Variants in TMEM8B observed in about 807,000 individuals in gnomAD.
TMEM8B encodes the protein nasopharyngeal carcinoma expressed 6.
In TMEM8B, 29 loss-of-function variants were observed where a neutral mutation model predicts 49.3. The observed-to-expected ratio is 0.59, with a 90% CI of 0.44 to 0.80. The LOEUF is 0.80. Ranked by LOEUF, TMEM8B falls within the 30% of genes least tolerant of loss-of-function variation. TMEM8B has a pLI of 0.00. For missense variants in TMEM8B, 575 were observed against 658.5 expected (o/e 0.87, Z 1.39); for synonymous variants, 264 against 272.8 (o/e 0.97, Z 0.32).
intron 1 of TMEM8B, chr9:35,833,183 A>T: frequency 2.9e-6 from 1 of 340,118 alleles, no homozygotes; most frequent in Non-Finnish European, 4.2e-6. Context: ...TTTTGGAGTT[A>T]ATCTCTCCCA....
At chr9:35,847,180 A>G in intron 10 of TMEM8B, 185 bp downstream of exon 10, 2 of 1,587,112 alleles carry the variant, frequency 1.3e-6, no homozygotes, top group Non-Finnish European at 1.7e-6. Flanking sequence ...TGTAAGACAC[A>G]TTGGAGTAAA....
rs989739150 is a variant in TMEM8B at position 35,840,549 on chromosome 9, T to C, written c.907-585T>C. Among the ~76,000 whole-genome samples, 6 of 152,052 alleles carry C rather than the reference T, an allele frequency of 3.9e-5. 1 individual carries two copies. The highest frequency in any genetic ancestry group is 1.4e-4 in the African/African-American group (6 of 41,382). ...TGGGAAGTAATGAGTGGCCCTGCAC[T>C]CATTACCTGTGTAGGGCCGCTCATT... On this transcript the variant is annotated intron_variant, in intron 3 of 12. Transcript: ENST00000643932.
chr9:35,840,939 A>G (rs1309009965), intron 3 of TMEM8B, among the ~76,000 whole-genome samples, 195 bp from the exon 4 acceptor site: 1 of 152,122 alleles, frequency 6.6e-6, no homozygotes. Flanking sequence ...TTGCAGACTG[A>G]GGTGGGACAG....
chr9:35,849,808 A>G (rs1263451173), intron 10 of TMEM8B, among the ~76,000 whole-genome samples: 1 of 152,236 alleles, frequency 6.6e-6, no homozygotes, highest in Non-Finnish European at 1.5e-5. Context: ...ACTAAGCCAA[A>G]TATAAGAAAC....
intron 3 of TMEM8B, among the ~76,000 whole-genome samples, chr9:35,836,963 G>A (rs1161331128): frequency 6.6e-6 from 1 of 152,180 alleles, no homozygotes; most frequent in Admixed American, 6.5e-5. Flanking sequence ...ATTAACTTCT[G>A]TAGTCTTATA....
rs1832701312 is a variant in TMEM8B, at chr9:35,864,411, G to C, written c.*10571G>C. 6.6e-6 allele frequency: 1 copy of C among 152,238 alleles called. No homozygotes were observed. The highest frequency in any genetic ancestry group is 1.5e-5 in the Non-Finnish European group (1 of 68,044). 9.4% of individuals were successfully genotyped at this position (152,238 alleles called of 1,614,324 possible). A position where few individuals can be genotyped will look rare whatever the true frequency, so the allele number is the denominator to read the frequency against. On this transcript the variant is annotated 3_prime_UTR_variant, in exon 13 of 13. Transcript: ENST00000643932. ...GGTTACAATTTCCCCGAAATGCCTG[G>C]ATCTGGGATTCCTGCTTCCTGGCTG...
At position 35,859,516 on chromosome 9, in the gene TMEM8B, G is replaced by A. The variant is rs1234655470; in HGVS notation, c.*5676G>A. On this transcript the variant is annotated 3_prime_UTR_variant, in exon 13 of 13. Coordinates refer to ENST00000643932, the MANE Select transcript of TMEM8B (RefSeq NM_001042590.4). ...TGCCAGACAAGGATGGACTGTAGCA[G>A]TGAGTTGGCAAAGCCTGTCCCCCAG... The A allele has an allele frequency of 6.5e-6, 1 of 153,998 alleles. No homozygotes were observed. The highest frequency in any genetic ancestry group is 1.5e-5 in the Non-Finnish European group (1 of 68,298). The allele number at this position is 153,998 out of a possible 1,614,324, so 9.5% of individuals were successfully genotyped here.
At position 35,829,362 on chromosome 9, in the gene TMEM8B, AC is replaced by A; in HGVS notation, c.-80del. ...CGGGCCCGCGAGGACACCGGAGGCCACCCCCCGGGGGTGGGGAGCGGAGCCG... is the reference window on the plus strand; with the variant it reads ...CGGGCCCGCGAGGACACCGGAGGCCACCCCCGGGGGTGGGGAGCGGAGCCG... On this transcript the variant is annotated 5_prime_UTR_variant, in exon 1 of 13. Coordinates refer to ENST00000643932, the MANE Select transcript of TMEM8B (RefSeq NM_001042590.4). The A allele has an allele frequency of 1.2e-5, 4 of 341,390 alleles. No homozygotes were observed. The highest frequency in any genetic ancestry group is 1.5e-5 in the Non-Finnish European group (3 of 193,554). 21.1% of individuals were successfully genotyped at this position (341,390 alleles called of 1,614,324 possible).
rs762116637 is a variant in TMEM8B, at chr9:35,853,835, A to G, written c.2770A>G (p.Ser924Gly). 1 of 1,535,838 alleles carries G rather than the reference A, an allele frequency of 6.5e-7. No individual in the cohort carries two copies. Among genetic ancestry groups the G allele is most frequent in the Non-Finnish European group, 8.7e-7 (1 of 1,145,632 alleles). The change falls in exon 13 of 13, where the codon AGC becomes GGC. Residue 924 changes from serine (S) to glycine (G), a missense_variant. Transcript: ENST00000643932. This position sits in a 1 kb window ranked among gnomAD's most constrained non-coding sequence, Gnocchi z 4.2. ...GGATVSSICA[S>G] ...GGCCACTGTCAGCAGCATCTGTGCC[A>G]GCTGAGAGGGGCTTTGGGCCTGGCC...
intron 3 of TMEM8B, among the ~76,000 whole-genome samples, chr9:35,839,610 C>T (rs896708590): frequency 2.6e-5 from 4 of 152,200 alleles, no homozygotes; most frequent in African/African-American, 7.2e-5. Flanking sequence ...AACTCCAAAA[C>T]GTGGAGCAAA....
In TMEM8B at chr9:35,853,779, A is replaced by C; in HGVS notation, c.2714A>C (p.Gln905Pro). The C allele has an allele frequency of 1.9e-6, 3 of 1,595,814 alleles. No individual in the cohort carries two copies. The highest frequency in any genetic ancestry group is 2.6e-6 in the Non-Finnish European group (3 of 1,169,906). ...GGTTACCAGCTATGCATCAACGAGC[A>C]GGAGGAGCTGGGCCTCGTGGGCCCA... The part of the protein sequence containing the change: ...GCGYQLCINE[Q>P]EELGLVGPGG... Residue 905 changes from glutamine (Q) to proline (P), a missense_variant, in exon 13 of 13, where the codon CAG becomes CCG. Gln to Pro is a moderately conservative substitution (Grantham distance 76). Coordinates refer to ENST00000643932, the MANE Select transcript of TMEM8B (RefSeq NM_001042590.4). This position sits in a 1 kb window ranked among gnomAD's most constrained non-coding sequence, Gnocchi z 4.2.
rs749717725 is a variant in TMEM8B, at chr9:35,860,138, G to A, written c.*6298G>A. The A allele has an allele frequency of 3.3e-5, 5 of 152,270 alleles. No homozygotes were observed. Among genetic ancestry groups the A allele is most frequent in the Non-Finnish European group, 5.9e-5 (4 of 68,066 alleles). The allele number at this position is 152,270 out of a possible 1,614,324, so 9.4% of individuals were successfully genotyped here. A position where few individuals can be genotyped will look rare whatever the true frequency, so the allele number is the denominator to read the frequency against. ...TGTATAATGAGGGAGTTGGACTTCA[G>A]ATCTGCAATCTGGCCTTCTCAGCGC... On this transcript the variant is annotated 3_prime_UTR_variant, in exon 13 of 13. Transcript: ENST00000643932.
intron 10 of TMEM8B, among the ~76,000 whole-genome samples, chr9:35,849,939 G>A (rs1284534478): frequency 6.6e-6 from 1 of 152,250 alleles, no homozygotes; most frequent in Admixed American, 6.5e-5. Flanking sequence ...CCCAGACAGA[G>A]CTGGCATTCT....
rs1832697579 is a variant in TMEM8B at position 35,864,274 on chromosome 9, G to A, written c.*10434G>A. On this transcript the variant is annotated 3_prime_UTR_variant, in exon 13 of 13. Transcript: ENST00000643932. ...CCCAGGGTTACTTTGCAAGCTAACT[G>A]ACATATCAGTCTCATTGTCTGGTAA... is the stretch of plus-strand genomic sequence containing the variant. 6.6e-6 allele frequency: 1 copy of A among 152,224 alleles called. No individual in the cohort carries two copies. Among genetic ancestry groups the A allele is most frequent in the Admixed American group, 6.5e-5 (1 of 15,286 alleles). 9.4% of individuals were successfully genotyped at this position (152,224 alleles called of 1,614,324 possible). A position where few individuals can be genotyped will look rare whatever the true frequency, so the allele number is the denominator to read the frequency against.
intron 10 of TMEM8B, 107 bp from the exon 11 acceptor site, chr9:35,852,720 C>A: frequency 7.6e-7 from 1 of 1,307,334 alleles, no homozygotes; most frequent in South Asian, 1.3e-5. Context: ...GACCTTTCAC[C>A]TCTGCTGCAC....
chr9:35,853,983 C>A lies in TMEM8B; in HGVS notation c.*143C>A. 2 of 1,362,516 alleles carry A rather than the reference C, an allele frequency of 1.5e-6. No individual in the cohort carries two copies. Among genetic ancestry groups the A allele is most frequent in the Middle Eastern group, 2.5e-4 (1 of 3,954 alleles). 84.4% of individuals were successfully genotyped at this position (1,362,516 alleles called of 1,614,324 possible). ...CAAGGACACAAAACTCTTCCAGGGA[C>A]CTGGAGCCCTTCCCAGGACATGGAG... On this transcript the variant is annotated 3_prime_UTR_variant, in exon 13 of 13. Coordinates refer to ENST00000643932, the MANE Select transcript of TMEM8B (RefSeq NM_001042590.4). The surrounding 1 kb of genome is among the most constrained non-coding windows in gnomAD (Gnocchi z 4.2).
chr9:35,837,770 C>T lies in TMEM8B; in HGVS notation c.906+2552C>T, dbSNP rs146998697. 1.4e-4 allele frequency among the ~76,000 whole-genome samples: 21 copies of T among 152,208 alleles called. No homozygotes were observed. In the East Asian group the frequency reaches 2.9e-3, roughly 21 times the overall value. The stretch of plus-strand genomic sequence containing the variant: ...ACGTCCTTTCCTTGTCCCTTTCTTC[C>T]TATCAGCCACTCTGTCTTGTCCCCG... On this transcript the variant is annotated intron_variant, in intron 3 of 12. Transcript: ENST00000643932.
intron 10 of TMEM8B, among the ~76,000 whole-genome samples, chr9:35,852,003 A>G (rs1349497583): frequency 6.6e-6 from 1 of 152,198 alleles, no homozygotes; most frequent in Non-Finnish European, 1.5e-5. Flanking sequence ...TTCACAAATA[A>G]GGGAACACAG....
chr9:35,853,275 T>C lies in TMEM8B; in HGVS notation c.2439+18T>C, dbSNP rs201889140. The C allele has an allele frequency of 3.1e-5, 49 of 1,594,048 alleles. No individual in the cohort carries two copies. The Admixed American group carries it at 4.8e-4, about 16-fold the overall frequency. On this transcript the variant is annotated intron_variant, in intron 12 of 12. Coordinates refer to ENST00000643932, the MANE Select transcript of TMEM8B (RefSeq NM_001042590.4). The surrounding 1 kb of genome is among the most constrained non-coding windows in gnomAD (Gnocchi z 4.2). ...CAGCCTGGGTAAGGGTGGGGAGGGA[T>C]GTGGGGGGAGGGTCCCAGCAGGACT...
Sources: allele counts gnomAD v4.1 joint callset (sites outside exome capture counted in the v4.1 genomes callset), GRCh38; gene constraint gnomAD v4.1.1; non-coding constraint Gnocchi (gnomAD v3.1); transcripts MANE v1.5; gene names NCBI Gene and HGNC (gene_info 2026-07-23, HGNC 2026-07-21).